EHF: variants seen among roughly 807,000 people sequenced by gnomAD.
EHF encodes ETS homologous factor.
In EHF, 14 loss-of-function variants were observed where a neutral mutation model predicts 45.1. That is an observed-to-expected ratio of 0.31 (90% confidence interval 0.21 to 0.49). EHF has a LOEUF of 0.49. Ranked by LOEUF, EHF falls within the 20% of genes least tolerant of loss-of-function variation. The pLI is 0.99. For synonymous variants in EHF, 136 were observed against 131.8 expected, an observed-to-expected ratio of 1.03 and a Z score of -0.22; for missense variants, 282 against 371.4, an observed-to-expected ratio of 0.76 and a Z score of 1.98.
At chr11:34,630,654 C>G (rs906151412) in intron 1 of EHF, among the ~76,000 whole-genome samples, 1 of 138,312 alleles carries the variant, frequency 7.2e-6, no homozygotes, top group African/African-American at 2.7e-5. Context: ...GTCCTCCACC[C>G]TTCCTACATT....
chr11:34,654,993 G>C (rs1455581456), intron 6 of EHF, among the ~76,000 whole-genome samples: 1 of 152,194 alleles, frequency 6.6e-6, no homozygotes, highest in Non-Finnish European at 1.5e-5. Flanking sequence ...GGCCCTGTCA[G>C]AGTGATGTAT....
At chr11:34,646,843 G>A in intron 3 of EHF, 159 bp downstream of exon 3, 3 of 963,074 alleles carry the variant, frequency 3.1e-6, no homozygotes, top group Non-Finnish European at 3.1e-6. Flanking sequence ...AAGATGAAAG[G>A]ACAGGATTGA....
In EHF at chr11:34,659,105, T is replaced by C. The variant is rs931420280; in HGVS notation, c.*174T>C. On this transcript the variant is annotated 3_prime_UTR_variant, in exon 9 of 9. Coordinates refer to ENST00000257831, the MANE Select transcript of EHF (RefSeq NM_012153.6). Reference sequence around the variant, plus strand: ...ACACTACGGTCGATTAAAAAAATTATTTTGTTACTTCGAAGTATGTCCTAT... The same window carrying C: ...ACACTACGGTCGATTAAAAAAATTACTTTGTTACTTCGAAGTATGTCCTAT... 9.0e-6 allele frequency: 5 copies of C among 557,716 alleles called. No homozygotes were observed. The highest frequency in any genetic ancestry group is 7.2e-5 in the Admixed American group (2 of 27,970). 34.5% of individuals were successfully genotyped at this position (557,716 alleles called of 1,614,324 possible).
chr11:34,642,857 A>G, intron 2 of EHF, 130 bp downstream of exon 2: 1 of 712,680 alleles, frequency 1.4e-6, no homozygotes, highest in South Asian at 1.9e-5. Flanking sequence ...AGGAATGGAG[A>G]AAACTCAGTT....
At chr11:34,646,852 G>A (rs562007618) in intron 3 of EHF, 168 bp downstream of exon 3, 55 of 832,118 alleles carry the variant, frequency 6.6e-5, no homozygotes, top group Middle Eastern at 2.7e-4. Context: ...GGACAGGATT[G>A]AAGCATAGGG....
At chr11:34,635,854 G>C (rs1037298662) in intron 1 of EHF, among the ~76,000 whole-genome samples, 22 of 152,058 alleles carry the variant, frequency 1.4e-4, no homozygotes, top group African/African-American at 5.3e-4. Context: ...AGGAGGGATG[G>C]CTTTCGTCCT....
At chr11:34,630,753 A>G (rs1285840642) in intron 1 of EHF, among the ~76,000 whole-genome samples, 2 of 151,604 alleles carry the variant, frequency 1.3e-5, no homozygotes, top group African/African-American at 2.4e-5. Context: ...TAAGCACTCC[A>G]CTCCCTACGC....
intron 3 of EHF, among the ~76,000 whole-genome samples, chr11:34,647,120 C>G (rs1404989863): frequency 6.8e-6 from 1 of 147,536 alleles, no homozygotes; most frequent in East Asian, 2.0e-4. Flanking sequence ...ACCTTCTAGA[C>G]CTAGGTTCTT....
At chr11:34,649,202 C>T (rs1480914492) in intron 4 of EHF, 121 bp downstream of exon 4, 2 of 986,878 alleles carry the variant, frequency 2.0e-6, no homozygotes, top group Non-Finnish European at 3.1e-6. Flanking sequence ...GAGGCCTTTT[C>T]CCTGGCTGTC....
intron 1 of EHF, among the ~76,000 whole-genome samples, chr11:34,638,089 A>G (rs1459926496): frequency 6.6e-6 from 1 of 152,090 alleles, no homozygotes; most frequent in East Asian, 1.9e-4. Context: ...TTTAGTAGAG[A>G]CAGGGTTTCA....
rs562763583 is a variant in EHF, at chr11:34,629,072, G to A, written c.-4+7844G>A. ...TGGGAGTCTGGGAAGCTGCTGCGGA[G>A]AGCCCTCTCCTCATTTTCATCAGGC... On this transcript the variant is annotated intron_variant, in intron 1 of 8. Coordinates refer to ENST00000257831, the MANE Select transcript of EHF (RefSeq NM_012153.6). 9.2e-5 allele frequency among the ~76,000 whole-genome samples: 14 copies of A among 152,308 alleles called. No homozygotes were observed. The East Asian group carries it at 2.7e-3, about 29-fold the overall frequency.
intron 1 of EHF, among the ~76,000 whole-genome samples, chr11:34,636,645 A>T (rs1853433411): frequency 6.6e-6 from 1 of 152,222 alleles, no homozygotes; most frequent in South Asian, 2.1e-4. Context: ...AAATTCTCCA[A>T]GGTCAACATA....
chr11:34,642,573 C>T, intron 1 of EHF, 55 bp from the exon 2 acceptor site: 5 of 1,126,826 alleles, frequency 4.4e-6, no homozygotes, highest in Non-Finnish European at 6.8e-6. Context: ...CTGCACTTTC[C>T]AATGACATTT....
intron 1 of EHF, among the ~76,000 whole-genome samples, chr11:34,634,210 G>A (rs1853178381): frequency 6.6e-6 from 1 of 151,928 alleles, no homozygotes; most frequent in Non-Finnish European, 1.5e-5. Context: ...CTCTTATTTG[G>A]GAGTAGTCCT....
intron 1 of EHF, chr11:34,622,364 C>T (rs1321723096): frequency 2.4e-6 from 3 of 1,269,484 alleles, no homozygotes; most frequent in Non-Finnish European, 3.1e-6. Context: ...GAATGGATTC[C>T]AAGAACTTAC....
In EHF at chr11:34,632,565, CA is replaced by C. The variant is rs1233837646; in HGVS notation, c.-3-10062del. The stretch of plus-strand genomic sequence containing the variant: ...CTCTCTGCCAACTCCACGTCCTAGT[CA>C]GAGTTTTCTGTGAAGGCAAGGGCAT... On this transcript the variant is annotated intron_variant, in intron 1 of 8. Transcript: ENST00000257831. 3.3e-6 allele frequency: 5 copies of C among 1,535,634 alleles called. No individual in the cohort carries two copies. In the African/African-American group the frequency reaches 6.8e-5, roughly 21 times the overall value.
At chr11:34,646,060 G>A (rs1590497586) in intron 2 of EHF, among the ~76,000 whole-genome samples, 2 of 141,514 alleles carry the variant, frequency 1.4e-5, no homozygotes, top group African/African-American at 5.6e-5. Context: ...GTGTGTGTGT[G>A]TGTGTGTATG....
chr11:34,657,143 C>T (rs112847271), intron 7 of EHF, among the ~76,000 whole-genome samples, 173 bp downstream of exon 7: 17 of 152,316 alleles, frequency 1.1e-4, no homozygotes, highest in African/African-American at 4.1e-4. Flanking sequence ...TAAGCCCCCT[C>T]TGCAGCTGTT....
chr11:34,624,519 G>A, intron 1 of EHF, among the ~76,000 whole-genome samples: 1 of 152,134 alleles, frequency 6.6e-6, no homozygotes, highest in East Asian at 1.9e-4. Flanking sequence ...AAACAATCTT[G>A]CTGTTATTAA....
Sources: allele counts gnomAD v4.1 joint callset (sites outside exome capture counted in the v4.1 genomes callset), GRCh38; gene constraint gnomAD v4.1.1; transcripts MANE v1.5; gene names NCBI Gene and HGNC (gene_info 2026-07-23, HGNC 2026-07-21).